Variants in NELL1 observed in about 807,000 individuals in gnomAD.
NELL1 encodes the protein neural EGFL like 1.
Under a neutral mutation model 107.4 loss-of-function variants are expected in NELL1, and 76 were observed. That is an observed-to-expected ratio of 0.71 (90% CI 0.59 to 0.86). The LOEUF is 0.86. NELL1 is among the 40% of genes least tolerant of loss of function. The pLI, the probability that NELL1 is intolerant of heterozygous loss-of-function variation, is 0.00. For missense variants in NELL1, 1,024 were observed against 1,005.5 expected (o/e 1.02, Z -0.25); for synonymous variants, 353 against 341.2 (o/e 1.03, Z -0.38).
At chr11:21,438,930 A>AT (rs1276450564) in intron 15 of NELL1, among the ~76,000 whole-genome samples, 17 of 151,836 alleles carry the variant, frequency 1.1e-4, no homozygotes, top group South Asian at 4.2e-4. Context: ...TCAAAAATGC[A>AT]TTTTTTTGTC....
chr11:20,776,027 T>C (rs1856743259), intron 2 of NELL1, among the ~76,000 whole-genome samples: 1 of 152,224 alleles, frequency 6.6e-6, no homozygotes, highest in Non-Finnish European at 1.5e-5. Context: ...GGAGCCAAGA[T>C]GTAGTTTATT....
intron 15 of NELL1, among the ~76,000 whole-genome samples, chr11:21,500,794 G>T (rs1855119423): frequency 6.6e-6 from 1 of 152,024 alleles, no homozygotes; most frequent in South Asian, 2.1e-4. Context: ...TACCTCATTT[G>T]AACTTTATTC....
At chr11:21,495,617 G>A (rs12576288) in intron 15 of NELL1, among the ~76,000 whole-genome samples, 2 of 151,772 alleles carry the variant, frequency 1.3e-5, no homozygotes, top group South Asian at 2.1e-4. Flanking sequence ...AATTTTACAC[G>A]CCCACCAGCA....
chr11:20,856,951 G>A (rs1410211942), intron 4 of NELL1, among the ~76,000 whole-genome samples: 1 of 152,214 alleles, frequency 6.6e-6, no homozygotes, highest in Non-Finnish European at 1.5e-5. Flanking sequence ...CTTTGGTCAA[G>A]AATAGGCTGA....
intron 14 of NELL1, among the ~76,000 whole-genome samples, chr11:21,271,061 A>C (rs1210284842): frequency 6.6e-6 from 1 of 152,100 alleles, no homozygotes. Flanking sequence ...AAGATTGGAG[A>C]GTAATGATCC....
At chr11:20,868,101 T>C (rs547681208) in intron 4 of NELL1, among the ~76,000 whole-genome samples, 43 of 152,304 alleles carry the variant, frequency 2.8e-4, no homozygotes, top group African/African-American at 9.9e-4. Flanking sequence ...TCCTGTGTGA[T>C]GTGAGAGCAG....
chr11:20,744,699 G>T (rs1286098682), intron 2 of NELL1, among the ~76,000 whole-genome samples: 1 of 152,230 alleles, frequency 6.6e-6, no homozygotes, highest in East Asian at 1.9e-4. Flanking sequence ...CATGTTTTAA[G>T]CCTTTGCATA....
intron 7 of NELL1, among the ~76,000 whole-genome samples, chr11:20,923,095 G>T (rs1850416661): frequency 6.6e-6 from 1 of 152,118 alleles, no homozygotes; most frequent in Non-Finnish European, 1.5e-5. Context: ...CCCTAGTCTA[G>T]GAGTCCTGGA....
intron 15 of NELL1, among the ~76,000 whole-genome samples, chr11:21,524,606 G>A (rs1049434526): frequency 1.2e-4 from 18 of 152,172 alleles, no homozygotes; most frequent in Admixed American, 6.5e-4. Flanking sequence ...GCAACCACTC[G>A]AGAGAGTGCA....
intron 14 of NELL1, among the ~76,000 whole-genome samples, chr11:21,344,851 AG>A (rs1199023447): frequency 7.0e-6 from 1 of 143,884 alleles, no homozygotes; most frequent in African/African-American, 2.6e-5. Flanking sequence ...TTGTTTTATG[AG>A]CACCTTAATT....
At chr11:21,344,315 G>A (rs1850639511) in intron 14 of NELL1, among the ~76,000 whole-genome samples, 1 of 152,170 alleles carries the variant, frequency 6.6e-6, no homozygotes, top group South Asian at 2.1e-4. Context: ...AGATAACTTG[G>A]TGTCACTAAG....
At chr11:20,917,943 C>T (rs1196013000) in intron 5 of NELL1, among the ~76,000 whole-genome samples, 1 of 151,874 alleles carries the variant, frequency 6.6e-6, no homozygotes, top group Non-Finnish European at 1.5e-5. Flanking sequence ...GTGTTATAAT[C>T]TATAATTGGC....
intron 3 of NELL1, among the ~76,000 whole-genome samples, chr11:20,816,442 A>G (rs1857625487): frequency 6.6e-6 from 1 of 152,104 alleles, no homozygotes; most frequent in Non-Finnish European, 1.5e-5. Context: ...TTTGGCTCTC[A>G]GTTTGAACAT....
intron 12 of NELL1, among the ~76,000 whole-genome samples, chr11:21,107,773 G>T (rs1160005425): frequency 6.6e-6 from 1 of 152,152 alleles, no homozygotes; most frequent in Non-Finnish European, 1.5e-5. Flanking sequence ...TAGAAGTGAT[G>T]GTTGGCTAAA....
intron 12 of NELL1, among the ~76,000 whole-genome samples, chr11:21,017,794 C>T (rs1405767536): frequency 1.3e-5 from 2 of 152,056 alleles, no homozygotes; most frequent in African/African-American, 4.8e-5. Flanking sequence ...TTGATCATGT[C>T]TGTCTTCTTA....
chr11:20,821,003 A>C (rs1168246331), intron 3 of NELL1, among the ~76,000 whole-genome samples: 1 of 152,264 alleles, frequency 6.6e-6, no homozygotes, highest in Non-Finnish European at 1.5e-5. Context: ...CACTTTGAAC[A>C]ATGCATGGCA....
At chr11:21,442,831 T>G (rs1002053086) in intron 15 of NELL1, among the ~76,000 whole-genome samples, 1 of 151,928 alleles carries the variant, frequency 6.6e-6, no homozygotes, top group African/African-American at 2.4e-5. Flanking sequence ...AGGCCAAAAG[T>G]GTAAACACAA....
intron 11 of NELL1, among the ~76,000 whole-genome samples, chr11:20,953,937 T>C (rs923584169): frequency 6.6e-6 from 1 of 152,184 alleles, no homozygotes; most frequent in Non-Finnish European, 1.5e-5. Flanking sequence ...TTTTTTGCTG[T>C]ATTCCTATTG....
intron 14 of NELL1, among the ~76,000 whole-genome samples, chr11:21,336,668 T>TACACACACACACACAC (rs561195381): frequency 1.7e-5 from 1 of 57,376 alleles, no homozygotes; most frequent in African/African-American, 7.4e-5. Context: ...TATATATATA[T>TACACACACACACACAC]ATATATACAC....
Sources: gnomAD v4.1 joint callset for allele counts (sites outside exome capture counted in the v4.1 genomes callset) on GRCh38, gnomAD v4.1.1 for gene constraint, MANE v1.5 for transcripts, NCBI Gene and HGNC (gene_info 2026-07-23, HGNC 2026-07-21) for gene names.